The following PRKN variants were observed in gnomAD, a reference collection of about 807,000 sequenced individuals.
PRKN encodes E3 ubiquitin-protein ligase parkin.
A neutral mutation model predicts 59.5 loss-of-function variants in PRKN; 56 were observed. The observed-to-expected ratio is 0.94, with a 90% confidence interval of 0.76 to 1.18. The LOEUF (loss-of-function observed/expected upper bound fraction) is 1.18, where lower values mean the gene tolerates loss of function less well. Among genes scored for constraint, PRKN ranks in the 50% most tolerant of loss-of-function variants. The pLI, the probability that PRKN is intolerant of heterozygous loss-of-function variation, is 0.00. For missense variants in PRKN, 657 were observed against 596.4 expected, an observed-to-expected ratio of 1.10 and a Z score of -1.06; for synonymous variants, 250 against 222.1, an observed-to-expected ratio of 1.13 and a Z score of -1.12.
intron 2 of PRKN, among the ~76,000 whole-genome samples, chr6:162,421,656 G>T (rs948885129): frequency 3.9e-5 from 6 of 152,096 alleles, no homozygotes; most frequent in Non-Finnish European, 8.8e-5. Context: ...CCATGGCCTT[G>T]CTAGATAGTA....
chr6:161,695,946 G>A (rs537913435), intron 7 of PRKN, among the ~76,000 whole-genome samples: 7 of 152,276 alleles, frequency 4.6e-5, no homozygotes, highest in Admixed American at 6.5e-5. Flanking sequence ...ACTGGGTGGC[G>A]GACAGAGGCT....
rs914349573 is a variant in PRKN at position 161,429,616 on chromosome 6, C to T, written c.1084-42739G>A. ...TGAAGCGGGAGGGCCAGGGAGGCCA[C>T]GGAGATGGCTGCTGGTTTCAGGTTT... On this transcript the variant is annotated intron_variant, in intron 9 of 11. Transcript: ENST00000366898. The surrounding 1 kb of genome is among the most constrained non-coding windows in gnomAD (Gnocchi z 4.2). 3.3e-5 allele frequency among the ~76,000 whole-genome samples: 5 copies of T among 152,036 alleles called. No homozygotes were observed. The highest frequency in any genetic ancestry group is 4.4e-5 in the Non-Finnish European group (3 of 68,024).
chr6:162,483,559 A>AGGGAAGGAG (rs1792401024), intron 1 of PRKN, among the ~76,000 whole-genome samples: 1 of 150,294 alleles, frequency 6.7e-6, no homozygotes, highest in African/African-American at 2.5e-5. Flanking sequence ...GACGTAGGGA[A>AGGGAAGGAG]GGAGGGAGAG....
intron 7 of PRKN, among the ~76,000 whole-genome samples, chr6:161,653,474 C>T (rs917044504): frequency 1.3e-5 from 2 of 152,102 alleles, no homozygotes; most frequent in African/African-American, 2.4e-5. Flanking sequence ...CATTGAAAAC[C>T]GCCATCATCA....
At chr6:161,743,216 T>C (rs1045289485) in intron 7 of PRKN, among the ~76,000 whole-genome samples, 1 of 98,364 alleles carries the variant, frequency 1.0e-5, no homozygotes, top group African/African-American at 5.5e-5. Flanking sequence ...TTTCTACCTT[T>C]TTTTTTTTTT....
intron 3 of PRKN, among the ~76,000 whole-genome samples, chr6:162,253,088 G>C (rs576234210): frequency 6.6e-6 from 1 of 152,222 alleles, no homozygotes; most frequent in Admixed American, 6.5e-5. Flanking sequence ...ACAGTAACCT[G>C]GTAAATTAAC....
intron 4 of PRKN, among the ~76,000 whole-genome samples, chr6:162,112,222 T>G (rs576333269): frequency 6.6e-6 from 1 of 152,296 alleles, no homozygotes; most frequent in African/African-American, 2.4e-5. Context: ...AAATCCAGCT[T>G]TATGCTAAAT....
intron 2 of PRKN, among the ~76,000 whole-genome samples, chr6:162,360,058 A>T (rs1785066758): frequency 6.6e-6 from 1 of 152,000 alleles, no homozygotes; most frequent in South Asian, 2.1e-4. Context: ...AAATACGGCA[A>T]AATATAATTT....
intron 2 of PRKN, among the ~76,000 whole-genome samples, chr6:162,397,061 A>C (rs1787513249): frequency 6.6e-6 from 1 of 152,148 alleles, no homozygotes; most frequent in Non-Finnish European, 1.5e-5. Flanking sequence ...CACTCCTATG[A>C]CTTTTGCTGG....
chr6:162,525,287 C>A (rs1205618588), intron 1 of PRKN, among the ~76,000 whole-genome samples: 2 of 152,144 alleles, frequency 1.3e-5, no homozygotes, highest in African/African-American at 4.8e-5. Context: ...TGCTCTCTGA[C>A]TTCATCTCCA....
chr6:162,653,677 T>A (rs1778532410), intron 1 of PRKN, among the ~76,000 whole-genome samples: 1 of 152,142 alleles, frequency 6.6e-6, no homozygotes, highest in African/African-American at 2.4e-5. Flanking sequence ...TTCCCTTGCA[T>A]AAAAGACAAA....
chr6:162,434,764 G>A (rs1583567208), intron 2 of PRKN, among the ~76,000 whole-genome samples: 1 of 152,186 alleles, frequency 6.6e-6, no homozygotes, highest in East Asian at 1.9e-4. Context: ...AATAGAAAAT[G>A]AAGGAGCACA....
intron 5 of PRKN, among the ~76,000 whole-genome samples, chr6:162,045,709 T>G (rs1403562605): frequency 6.6e-6 from 1 of 152,226 alleles, no homozygotes. Flanking sequence ...CATCAAGGCA[T>G]GATGAAGTGC....
intron 7 of PRKN, among the ~76,000 whole-genome samples, chr6:161,729,117 C>A (rs1054407938): frequency 2.0e-5 from 3 of 152,186 alleles, no homozygotes. Context: ...AGTATAATTT[C>A]TTTTACTATT....
At chr6:161,864,112 T>C (rs1794016053) in intron 6 of PRKN, among the ~76,000 whole-genome samples, 2 of 152,186 alleles carry the variant, frequency 1.3e-5, no homozygotes, top group Non-Finnish European at 2.9e-5. Flanking sequence ...GAAGACAAAG[T>C]TGGCCCCATC....
At chr6:162,117,664 A>G (rs1001898362) in intron 4 of PRKN, among the ~76,000 whole-genome samples, 5 of 152,234 alleles carry the variant, frequency 3.3e-5, no homozygotes, top group African/African-American at 9.6e-5. Flanking sequence ...CTGCACGAAC[A>G]ACAGCCTCAA....
At chr6:162,421,695 A>G (rs1788975253) in intron 2 of PRKN, among the ~76,000 whole-genome samples, 1 of 152,160 alleles carries the variant, frequency 6.6e-6, no homozygotes, top group Non-Finnish European at 1.5e-5. Context: ...ACAACGCATT[A>G]CAGGAAAACA....
intron 7 of PRKN, among the ~76,000 whole-genome samples, chr6:161,707,124 T>C (rs1000606241): frequency 2.6e-5 from 4 of 152,188 alleles, no homozygotes; most frequent in Non-Finnish European, 4.4e-5. Context: ...TTAAAAAATA[T>C]TGACTTCAAC....
chr6:161,587,824 T>A (rs1339892245), intron 7 of PRKN, among the ~76,000 whole-genome samples: 1 of 152,144 alleles, frequency 6.6e-6, no homozygotes, highest in Non-Finnish European at 1.5e-5. Flanking sequence ...TTTGAACACA[T>A]AAAACTCACT....
Sources: allele counts gnomAD v4.1 joint callset (sites outside exome capture counted in the v4.1 genomes callset), GRCh38; gene constraint gnomAD v4.1.1; non-coding constraint Gnocchi (gnomAD v3.1); transcripts MANE v1.5; gene names NCBI Gene and HGNC (gene_info 2026-07-23, HGNC 2026-07-21).